Variants in OSBPL1A observed in about 807,000 individuals in gnomAD.
The protein encoded by OSBPL1A is oxysterol binding protein like 1A, also known as oxysterol-binding protein-related protein 1.
A neutral mutation model predicts 137.1 loss-of-function variants in OSBPL1A; 80 were observed. The ratio of observed to expected loss-of-function variants is 0.58; its 90% confidence interval spans 0.49 to 0.70. The LOEUF is 0.70. Among genes scored for constraint, OSBPL1A ranks in the 30% least tolerant of loss-of-function variants. The pLI, the probability that OSBPL1A is intolerant of heterozygous loss-of-function variation, is 0.00. For missense variants in OSBPL1A, 970 were observed against 1,129.4 expected (o/e 0.86, Z 2.02); for synonymous variants, 365 against 389.7 (o/e 0.94, Z 0.75).
intron 17 of OSBPL1A, among the ~76,000 whole-genome samples, chr18:24,199,642 T>C (rs917830969): frequency 9.9e-5 from 15 of 152,208 alleles, no homozygotes; most frequent in Non-Finnish European, 1.8e-4. Context: ...AGACATTACC[T>C]CTTTTGTAAA....
At chr18:24,250,108 T>C (rs2089031601) in intron 15 of OSBPL1A, among the ~76,000 whole-genome samples, 1 of 151,844 alleles carries the variant, frequency 6.6e-6, no homozygotes. Flanking sequence ...GGCAGAATTG[T>C]GGGGCCCCCA....
At chr18:24,245,932 G>C (rs2088867462) in intron 15 of OSBPL1A, among the ~76,000 whole-genome samples, 1 of 152,072 alleles carries the variant, frequency 6.6e-6, no homozygotes, top group South Asian at 2.1e-4. Flanking sequence ...TTTAGGGGCT[G>C]GGCACAGTGG....
At chr18:24,197,118 T>C (rs536304451) in intron 17 of OSBPL1A, among the ~76,000 whole-genome samples, 4 of 152,206 alleles carry the variant, frequency 2.6e-5, no homozygotes, top group African/African-American at 9.6e-5. Context: ...GAGTCCAAGG[T>C]GGGCAGATCA....
intron 14 of OSBPL1A, among the ~76,000 whole-genome samples, chr18:24,289,448 G>A (rs2090136524): frequency 8.1e-6 from 1 of 122,996 alleles, no homozygotes; most frequent in Non-Finnish European, 1.6e-5. Context: ...TTGAGATGGA[G>A]TTGGGCTCTG....
At chr18:24,249,304 T>TC (rs1225882175) in intron 15 of OSBPL1A, among the ~76,000 whole-genome samples, 3 of 152,242 alleles carry the variant, frequency 2.0e-5, no homozygotes, top group African/African-American at 7.2e-5. Context: ...ATTTAAAATT[T>TC]CAAAAGGGTT....
At chr18:24,268,755 C>A (rs1599591881) in intron 15 of OSBPL1A, among the ~76,000 whole-genome samples, 1 of 152,146 alleles carries the variant, frequency 6.6e-6, no homozygotes, top group East Asian at 1.9e-4. Flanking sequence ...AGTATTCAAT[C>A]TTTTGATTTC....
chr18:24,181,911 G>A (rs751943022), intron 18 of OSBPL1A, among the ~76,000 whole-genome samples: 1 of 152,172 alleles, frequency 6.6e-6, no homozygotes, highest in Admixed American at 6.5e-5. Flanking sequence ...GTGTGGAACA[G>A]CTTCAGGTCT....
chr18:24,304,410 C>T (rs956587453), intron 13 of OSBPL1A, among the ~76,000 whole-genome samples: 1 of 152,184 alleles, frequency 6.6e-6, no homozygotes. Flanking sequence ...AATGAAAGAT[C>T]AGTCAAATCC....
At chr18:24,342,643 TAAATA>T (rs1425504389) in intron 4 of OSBPL1A, among the ~76,000 whole-genome samples, 13 of 152,162 alleles carry the variant, frequency 8.5e-5, no homozygotes, top group Non-Finnish European at 1.3e-4. Flanking sequence ...AAAAAATGCT[TAAATA>T]AAATCTAAAA....
intron 7 of OSBPL1A, among the ~76,000 whole-genome samples, chr18:24,326,848 T>G (rs1489365670): frequency 6.6e-6 from 1 of 152,184 alleles, no homozygotes; most frequent in Non-Finnish European, 1.5e-5. Context: ...ACTAAAACAT[T>G]AACAACTAAA....
intron 14 of OSBPL1A, among the ~76,000 whole-genome samples, chr18:24,283,869 T>C (rs1236402806): frequency 1.3e-5 from 2 of 152,284 alleles, no homozygotes; most frequent in African/African-American, 2.4e-5. Context: ...GCAACATTAA[T>C]GGTCCAAATA....
chr18:24,208,759 G>A (rs1433854705), intron 17 of OSBPL1A, among the ~76,000 whole-genome samples: 2 of 152,150 alleles, frequency 1.3e-5, no homozygotes, highest in South Asian at 4.1e-4. Context: ...ATTAATTAGG[G>A]ATCTAGAATG....
intron 18 of OSBPL1A, 109 bp downstream of exon 18, chr18:24,196,016 C>T (rs773532385): frequency 6.5e-5 from 54 of 834,014 alleles, no homozygotes; most frequent in Non-Finnish European, 9.6e-5. Flanking sequence ...TCGTACGTTC[C>T]CATAAACGTT....
At chr18:24,260,651 C>T (rs920450543) in intron 15 of OSBPL1A, among the ~76,000 whole-genome samples, 3 of 151,890 alleles carry the variant, frequency 2.0e-5, no homozygotes, top group African/African-American at 7.3e-5. Context: ...GGATGGGGTA[C>T]CAGAGAGACA....
intron 14 of OSBPL1A, among the ~76,000 whole-genome samples, chr18:24,292,082 C>A (rs2090184375): frequency 1.3e-5 from 2 of 151,632 alleles, no homozygotes; most frequent in Admixed American, 1.3e-4. Flanking sequence ...AACTCTGTCT[C>A]AAAAAGAAAA....
intron 4 of OSBPL1A, among the ~76,000 whole-genome samples, chr18:24,360,206 G>T (rs2091601233): frequency 6.6e-6 from 1 of 152,170 alleles, no homozygotes; most frequent in South Asian, 2.1e-4. Flanking sequence ...CCTGACCTCA[G>T]GTGATCCACC....
At chr18:24,385,728 T>C (rs2144268929) in intron 1 of OSBPL1A, among the ~76,000 whole-genome samples, 1 of 152,312 alleles carries the variant, frequency 6.6e-6, no homozygotes, top group East Asian at 1.9e-4. Flanking sequence ...CCAGTGGAAT[T>C]CAGACAGGCA....
At chr18:24,325,045 C>T (rs955920585) in intron 7 of OSBPL1A, among the ~76,000 whole-genome samples, 3 of 151,910 alleles carry the variant, frequency 2.0e-5, no homozygotes, top group Non-Finnish European at 2.9e-5. Flanking sequence ...GAGATTGCGC[C>T]ACTGCACTCC....
At chr18:24,318,580 T>TA in intron 9 of OSBPL1A, 21 bp downstream of exon 9, 1 of 1,592,142 alleles carries the variant, frequency 6.3e-7, no homozygotes, top group Non-Finnish European at 8.5e-7. Flanking sequence ...GTTATATAAT[T>TA]AAAAAACCAC....
Sources: gnomAD v4.1 joint callset for allele counts (sites outside exome capture counted in the v4.1 genomes callset) on GRCh38, gnomAD v4.1.1 for gene constraint, MANE v1.5 for transcripts, NCBI Gene and HGNC (gene_info 2026-07-23, HGNC 2026-07-21) for gene names.